Variants in PCNX4 observed in about 807,000 individuals in gnomAD.
PCNX4 encodes the protein pecanex 4.
In PCNX4, 103 loss-of-function variants were observed where a neutral mutation model predicts 107.2. The ratio of observed to expected loss-of-function variants is 0.96; its 90% CI spans 0.82 to 1.13. The LOEUF is 1.13. Among genes scored for constraint, PCNX4 ranks in the 50% most tolerant of loss-of-function variants. The probability of loss-of-function intolerance (pLI) is 0.00; values close to 1 mark genes in which losing one functional copy is unlikely to be tolerated. For missense variants in PCNX4, 1,528 were observed against 1,379.4 expected, an observed-to-expected ratio of 1.11 and a Z score of -1.71; for synonymous variants, 541 against 481.7, an observed-to-expected ratio of 1.12 and a Z score of -1.61.
intron 1 of PCNX4, among the ~76,000 whole-genome samples, chr14:60,098,081 A>G (rs1566928813): frequency 6.6e-6 from 1 of 152,188 alleles, no homozygotes; most frequent in Non-Finnish European, 1.5e-5. Flanking sequence ...CTTATGGTTA[A>G]GGTCAGCATG....
Position 60,141,047 on chromosome 14 carries a change from A to G in PCNX4, c.*6826A>G, listed in dbSNP as rs441557. 42,507 of 152,164 alleles carry G rather than the reference A, an allele frequency of 0.28. 8,211 individuals are homozygous for G. The highest frequency in any genetic ancestry group is 0.54 in the African/African-American group (22,527 of 41,464). The allele number at this position is 152,164 out of a possible 1,614,324, so 9.4% of individuals were successfully genotyped here. A position where few individuals can be genotyped will look rare whatever the true frequency, so the allele number is the denominator to read the frequency against. On this transcript the variant is annotated 3_prime_UTR_variant, in exon 11 of 11. Transcript: ENST00000406854. Reference sequence around the variant, plus strand: ...ACTTATAAAGATGAAAGAGGCAGCCATCCTCTTCCCTTCCTGAAAGAGTCT... The same window carrying G: ...ACTTATAAAGATGAAAGAGGCAGCCGTCCTCTTCCCTTCCTGAAAGAGTCT...
intron 10 of PCNX4, chr14:60,126,326 G>A (rs1361973632): frequency 6.6e-6 from 1 of 152,194 alleles, no homozygotes; most frequent in Non-Finnish European, 1.5e-5. Context: ...GTTGTCAAGT[G>A]TACACAACAT....
chr14:60,133,867 C>A, intron 10 of PCNX4, 103 bp from the exon 11 acceptor site: 1 of 1,184,362 alleles, frequency 8.4e-7, no homozygotes, highest in Admixed American at 2.7e-5. Context: ...GAAAAGTTTG[C>A]CTAATTACAA....
At chr14:60,122,512 T>A (rs768874188) in intron 8 of PCNX4, among the ~76,000 whole-genome samples, 4 of 152,020 alleles carry the variant, frequency 2.6e-5, no homozygotes, top group Non-Finnish European at 5.9e-5. Context: ...AAATGTCACC[T>A]CCTCAGTGAG....
chr14:60,134,061 A>G lies in PCNX4; in HGVS notation c.3359A>G (p.Asn1120Ser), dbSNP rs551401436. 22 of 1,613,846 alleles carry G rather than the reference A, an allele frequency of 1.4e-5. No individual in the cohort carries two copies. The highest frequency in any genetic ancestry group is 6.6e-5 in the South Asian group (6 of 91,084). ...NPEAVRGQWA[N>S]LSWELLYATN... ...GAAGCTGTTAGAGGTCAGTGGGCCA[A>G]TCTTTCATGGGAATTACTTTATGCC... is the stretch of plus-strand genomic sequence containing the variant. The change falls in exon 11 of 11, where the codon AAT becomes AGT. Residue 1120 changes from asparagine to serine, a missense_variant. Coordinates refer to ENST00000406854, the MANE Select transcript of PCNX4 (RefSeq NM_001330177.2).
chr14:60,097,849 A>G (rs1227567000), intron 1 of PCNX4, among the ~76,000 whole-genome samples: 1 of 152,146 alleles, frequency 6.6e-6, no homozygotes, highest in East Asian at 1.9e-4. Context: ...AACTACCCAA[A>G]AACATCTACA....
chr14:60,123,746 A>G (rs1487519753), intron 8 of PCNX4, among the ~76,000 whole-genome samples: 1 of 152,138 alleles, frequency 6.6e-6, no homozygotes. Context: ...GATGTTATAA[A>G]TCTGGAACAG....
chr14:60,124,330 A>G lies in PCNX4; in HGVS notation c.2159A>G (p.His720Arg). 1.2e-6 allele frequency: 2 copies of G among 1,612,746 alleles called. No individual in the cohort carries two copies. The highest frequency in any genetic ancestry group is 8.5e-7 in the Non-Finnish European group (1 of 1,179,222). The change falls in exon 9 of 11, where the codon CAC becomes CGC. Residue 720 changes from histidine (H) to arginine (R), a missense_variant. His to Arg is a conservative substitution (Grantham distance 29, BLOSUM62 0). Transcript: ENST00000406854. ...EYTRVCSLNE[H>R]FGNVLTPCTV... is the part of the protein sequence containing the mutation. Reference sequence around the variant, plus strand: ...ACAAGAGTATGTTCCCTTAATGAACACTTTGGAAATGTCTTGACACCCTGT... The same window carrying G: ...ACAAGAGTATGTTCCCTTAATGAACGCTTTGGAAATGTCTTGACACCCTGT...
At chr14:60,092,978 C>T (rs1595155233) in intron 1 of PCNX4, among the ~76,000 whole-genome samples, 2 of 152,200 alleles carry the variant, frequency 1.3e-5, no homozygotes, top group Admixed American at 1.3e-4. Context: ...TTGTTTTCTT[C>T]ATTAAATCAT....
rs994715495 is a variant in PCNX4 at position 60,134,859 on chromosome 14, A to G, written c.*638A>G. 4 of 152,252 alleles carry G rather than the reference A, an allele frequency of 2.6e-5. No individual in the cohort carries two copies. Among genetic ancestry groups the G allele is most frequent in the African/African-American group, 9.6e-5 (4 of 41,454 alleles). The allele number at this position is 152,252 out of a possible 1,614,324, so 9.4% of individuals were successfully genotyped here. ...AGGAGCGGGGTTCATCCCATTCATC[A>G]TGTGAATATTCACAGGAAGAGCAAT... On this transcript the variant is annotated 3_prime_UTR_variant, in exon 11 of 11. Transcript: ENST00000406854.
At position 60,125,231 on chromosome 14, in the gene PCNX4, A is replaced by C. The variant is rs752615502; in HGVS notation, c.3060A>C (p.Gln1020His). 3.8e-6 allele frequency: 6 copies of C among 1,578,734 alleles called. No homozygotes were observed. The highest frequency in any genetic ancestry group is 3.6e-5 in the South Asian group (3 of 84,462). Residue 1020 changes from glutamine to histidine, a missense_variant, in exon 9 of 11, where the codon CAA (glutamine) becomes CAC (histidine). Physicochemically the swap from Gln to His is conservative, Grantham distance 24 (BLOSUM62 0). Transcript: ENST00000406854. ...TCACAGAAAAGCCAGAACTGTTTCA[A>C]CTAGCACTGAAAGCATTCAGGTAAT... is the stretch of plus-strand genomic sequence containing the variant. ...DWLTEKPELF[Q>H]LALKAFRYTL... is the part of the protein sequence containing the mutation.
In PCNX4 at chr14:60,147,875, C is replaced by G. The variant is rs1248692510; in HGVS notation, c.*13654C>G. 1 of 152,232 alleles carries G rather than the reference C, an allele frequency of 6.6e-6. No individual in the cohort carries two copies. Among genetic ancestry groups the G allele is most frequent in the African/African-American group, 2.4e-5 (1 of 41,436 alleles). The allele number at this position is 152,232 out of a possible 1,614,324, so 9.4% of individuals were successfully genotyped here. Reference sequence around the variant, plus strand: ...GGTGGCCTGTCCCTCTCAACTCTTTCCATCACTGGGCACAAAGCTACTGCA... The same window carrying G: ...GGTGGCCTGTCCCTCTCAACTCTTTGCATCACTGGGCACAAAGCTACTGCA... On this transcript the variant is annotated 3_prime_UTR_variant, in exon 11 of 11. Transcript: ENST00000406854.
intron 1 of PCNX4, 55 bp downstream of exon 1, chr14:60,092,474 A>G (rs553109640): frequency 1.3e-5 from 2 of 152,280 alleles, no homozygotes; most frequent in African/African-American, 2.4e-5. Context: ...TTAATGTCCA[A>G]GCCTGTGCGG....
chr14:60,130,374 CTATT>C (rs1896133188), intron 10 of PCNX4, among the ~76,000 whole-genome samples: 1 of 151,258 alleles, frequency 6.6e-6, no homozygotes, highest in African/African-American at 2.4e-5. Flanking sequence ...TATAAAAAAA[CTATT>C]TAACAAAATC....
Position 60,107,647 on chromosome 14 carries a change from A to G in PCNX4, c.9A>G (p.Pro3=), listed in dbSNP as rs761003786. The G allele has an allele frequency of 9.3e-6, 15 of 1,611,936 alleles. No homozygotes were observed. The highest frequency in any genetic ancestry group is 1.3e-5 in the Non-Finnish European group (15 of 1,179,328). Residue 3 remains proline (P), a synonymous_variant, in exon 2 of 11, where the codon CCA becomes CCG. Coordinates refer to ENST00000406854, the MANE Select transcript of PCNX4 (RefSeq NM_001330177.2). MS[P]DVPLLNDYKQ... is the part of the protein sequence containing the mutation. ...AATAATCCCGAGTGAGGATGAGTCC[A>G]GATGTGCCTCTACTGAATGATTACA... is the stretch of plus-strand genomic sequence containing the variant.
At chr14:60,120,742 T>C (rs1419372020) in intron 7 of PCNX4, among the ~76,000 whole-genome samples, 1 of 152,182 alleles carries the variant, frequency 6.6e-6, no homozygotes, top group East Asian at 1.9e-4. Flanking sequence ...AGAGAAAAAC[T>C]AAATTTAAAA....
intron 1 of PCNX4, among the ~76,000 whole-genome samples, chr14:60,095,948 C>T (rs958231458): frequency 2.6e-5 from 4 of 152,198 alleles, no homozygotes; most frequent in African/African-American, 9.6e-5. Flanking sequence ...GAGCAATTCT[C>T]TAGGGAATCA....
chr14:60,098,568 T>A (rs912086193), intron 1 of PCNX4, among the ~76,000 whole-genome samples: 2 of 152,216 alleles, frequency 1.3e-5, no homozygotes, highest in African/African-American at 4.8e-5. Context: ...TGGGTAGACT[T>A]TCCTTTGGTT....
Position 60,114,983 on chromosome 14 carries a change from A to G in PCNX4, c.879A>G (p.Val293=), listed in dbSNP as rs773119353. The change falls in exon 4 of 11, where the codon GTA becomes GTG. Residue 293 remains valine (V), a synonymous_variant. Coordinates refer to ENST00000406854, the MANE Select transcript of PCNX4 (RefSeq NM_001330177.2). ...SSMSTHLRLL[V]MFIMSAGTAI... ...TTTTTTTTCTGTACAGGTTATTAGT[A>G]ATGTTCATCATGTCTGCTGGAACAG... 7 of 1,598,732 alleles carry G rather than the reference A, an allele frequency of 4.4e-6. No individual in the cohort carries two copies. Among genetic ancestry groups the G allele is most frequent in the Non-Finnish European group, 6.0e-6 (7 of 1,171,950 alleles).
Sources: gnomAD v4.1 joint callset for allele counts (sites outside exome capture counted in the v4.1 genomes callset) on GRCh38, gnomAD v4.1.1 for gene constraint, MANE v1.5 for transcripts, NCBI Gene and HGNC (gene_info 2026-07-23, HGNC 2026-07-21) for gene names.